Variants in CHADL observed in about 807,000 individuals in gnomAD.
The protein encoded by CHADL is chondroadherin like.
In CHADL, 48 loss-of-function variants were observed where a neutral mutation model predicts 52.1. The ratio of observed to expected loss-of-function variants is 0.92; its 90% CI spans 0.73 to 1.17. The LOEUF is 1.17. Ranked by LOEUF, CHADL falls within the 50% of genes most tolerant of loss-of-function variation. CHADL has a pLI of 0.00. For missense variants in CHADL, 977 were observed against 1,035.1 expected (o/e 0.94, Z 0.77); for synonymous variants, 498 against 511.2 (o/e 0.97, Z 0.35).
At chr22:41,240,075 CTTTT>C (rs927523434) in intron 1 of CHADL, among the ~76,000 whole-genome samples, 3 of 152,036 alleles carry the variant, frequency 2.0e-5, no homozygotes, top group African/African-American at 7.2e-5. Flanking sequence ...GTCCTTGAGT[CTTTT>C]TTTGTTTGTT....
At chr22:41,234,835 G>A (rs1029699298) in intron 5 of CHADL, among the ~76,000 whole-genome samples, 33 of 152,222 alleles carry the variant, frequency 2.2e-4, no homozygotes, top group African/African-American at 8.0e-4. Flanking sequence ...TTACAGGCGT[G>A]AGCCAACGCA....
chr22:41,240,490 G>A (rs932974039), intron 1 of CHADL, among the ~76,000 whole-genome samples: 5 of 152,320 alleles, frequency 3.3e-5, no homozygotes, highest in African/African-American at 9.6e-5. Flanking sequence ...CTGGACTATC[G>A]TCTGTTTTGG....
intron 4 of CHADL, among the ~76,000 whole-genome samples, chr22:41,236,281 G>T (rs1261292853): frequency 6.6e-6 from 1 of 152,184 alleles, no homozygotes; most frequent in Admixed American, 6.5e-5. Context: ...TGAAATCAAG[G>T]CTCAGAGAAG....
chr22:41,239,919 A>C (rs887562778), intron 1 of CHADL, among the ~76,000 whole-genome samples: 1 of 152,176 alleles, frequency 6.6e-6, no homozygotes, highest in African/African-American at 2.4e-5. Flanking sequence ...GAATGACTCC[A>C]GTTCAGAGCA....
chr22:41,237,872 G>A lies in CHADL; in HGVS notation c.1200C>T (p.Cys400=), dbSNP rs765102787. 56 of 1,387,710 alleles carry A rather than the reference G, an allele frequency of 4.0e-5. No homozygotes were observed. The African/African-American group carries it at 7.5e-4, about 19-fold the overall frequency. The allele number at this position is 1,387,710 out of a possible 1,614,324, so 86.0% of individuals were successfully genotyped here. ...TGTGCCGGGACTCGGGGACGCACAC[G>A]CAGGCGCGAGGGCAAGGCGCGACTG... The part of the protein sequence containing the change: ...ERAVAPCPRA[C]VCVPESRHSS... Residue 400 remains cysteine (C), a synonymous_variant, in exon 3 of 6, where the codon TGC becomes TGT. Transcript: ENST00000216241.
intron 5 of CHADL, among the ~76,000 whole-genome samples, chr22:41,233,939 C>T (rs1250721133): frequency 6.6e-6 from 1 of 152,220 alleles, no homozygotes; most frequent in Non-Finnish European, 1.5e-5. Context: ...GTGGTTCCTA[C>T]ATACGGGGGT....
In CHADL at chr22:41,237,461, T is replaced by C. The variant is rs1168565187; in HGVS notation, c.1611A>G (p.Ala537=). ...CCCGTGTTCTCCCCAGGTCCCCAGG[T>C]GCCAGGCGGTCCACAGCGTTGTCCT... ...HLQDNAVDRL[A]PGDLGRTRAL... Residue 537 remains alanine (A), a synonymous_variant, in exon 3 of 6, where the codon GCA becomes GCG. Transcript: ENST00000216241. 3.9e-6 allele frequency: 6 copies of C among 1,550,362 alleles called. No individual in the cohort carries two copies. Among genetic ancestry groups the C allele is most frequent in the Non-Finnish European group, 5.2e-6 (6 of 1,146,966 alleles).
Position 41,237,431 on chromosome 22 carries a change from C to T in CHADL, c.1641G>A (p.Leu547=). ...GGTTTCCACTCAGGTAGACCCAGCG[C>T]AAGGCCCGTGTTCTCCCCAGGTCCC... The part of the protein sequence containing the change: ...APGDLGRTRA[L]RWVYLSGNRI... The change falls in exon 3 of 6, where the codon TTG becomes TTA. Residue 547 remains leucine (L), a synonymous_variant. Coordinates refer to ENST00000216241, the MANE Select transcript of CHADL (RefSeq NM_138481.2). 6.4e-7 allele frequency: 1 copy of T among 1,550,556 alleles called. No individual in the cohort carries two copies. The highest frequency in any genetic ancestry group is 1.2e-5 in the South Asian group (1 of 84,070).
At chr22:41,240,759 A>G in intron 1 of CHADL, 115 bp downstream of exon 1, 2 of 1,262,710 alleles carry the variant, frequency 1.6e-6, no homozygotes, top group Non-Finnish European at 1.1e-6. Flanking sequence ...AACCCCAGGA[A>G]GTCCCCAGAG....
At chr22:41,233,943 C>T (rs1015894106) in intron 5 of CHADL, among the ~76,000 whole-genome samples, 1 of 152,190 alleles carries the variant, frequency 6.6e-6, no homozygotes, top group Non-Finnish European at 1.5e-5. Flanking sequence ...TTCCTACATA[C>T]GGGGGTGCCT....
chr22:41,233,993 T>C (rs2032686578), intron 5 of CHADL, among the ~76,000 whole-genome samples: 1 of 152,160 alleles, frequency 6.6e-6, no homozygotes, highest in South Asian at 2.1e-4. Flanking sequence ...GTGAGTTTGC[T>C]ACAACTGAGG....
intron 5 of CHADL, chr22:41,230,144 G>A (rs370322931): frequency 1.7e-5 from 12 of 723,018 alleles, no homozygotes; most frequent in Non-Finnish European, 2.7e-5. Context: ...TTCAGTCATT[G>A]CTGTGCGTGT....
chr22:41,236,017 A>G (rs1202287513), intron 4 of CHADL, among the ~76,000 whole-genome samples: 1 of 152,088 alleles, frequency 6.6e-6, no homozygotes, highest in Non-Finnish European at 1.5e-5. Context: ...GATTACAGGC[A>G]CCCACTACCA....
chr22:41,236,669 C>T lies in CHADL; in HGVS notation c.1897-19G>A, dbSNP rs1601557550. On this transcript the variant is annotated intron_variant, in intron 3 of 5. Transcript: ENST00000216241. ...GACAAATCTGCAAGGAGTTGCCAGG[C>T]CCCAATGTGAGCTCCTGGCAGAGCT... is the stretch of plus-strand genomic sequence containing the variant. 2 of 1,540,328 alleles carry T rather than the reference C, an allele frequency of 1.3e-6. No individual in the cohort carries two copies. The highest frequency in any genetic ancestry group is 4.9e-5 in the East Asian group (2 of 40,838).
chr22:41,240,242 C>T (rs1388580558), intron 1 of CHADL, among the ~76,000 whole-genome samples: 2 of 152,224 alleles, frequency 1.3e-5, no homozygotes, highest in Non-Finnish European at 2.9e-5. Context: ...CACACACCAC[C>T]ACGCCTGGCT....
Position 41,239,557 on chromosome 22 carries a change from C to G in CHADL, c.72G>C (p.Pro24=), listed in dbSNP as rs1445538740. ...AGCGCTGGGCGGCGGCCTGCCTAGC[C>G]GGGGCCAGCAGCAGAAGTACAAGAA... ...LPLLVLLLLA[P]ARQAAAQRCP... Residue 24 remains proline (P), a synonymous_variant, in exon 2 of 6, where the codon CCG becomes CCC. Transcript: ENST00000216241. 7.1e-6 allele frequency: 11 copies of G among 1,547,786 alleles called. No homozygotes were observed. Among genetic ancestry groups the G allele is most frequent in the African/African-American group, 1.4e-5 (1 of 72,888 alleles).
At position 41,237,550 on chromosome 22, in the gene CHADL, G is replaced by C. The variant is rs1340316865; in HGVS notation, c.1522C>G (p.Arg508Gly). 1 of 1,550,412 alleles carries C rather than the reference G, an allele frequency of 6.4e-7. No homozygotes were observed. Among genetic ancestry groups the C allele is most frequent in the Non-Finnish European group, 8.7e-7 (1 of 1,146,932 alleles). The change falls in exon 3 of 6, where the codon CGT becomes GGT. Residue 508 changes from arginine (R) to glycine (G), a missense_variant. By Grantham distance (125) the Arg-to-Gly change is moderately radical (BLOSUM62 -2). Coordinates refer to ENST00000216241, the MANE Select transcript of CHADL (RefSeq NM_138481.2). ...RLGYLYLERNRFLQVPGAALR... is the reference protein window; with the variant it reads ...RLGYLYLERNGFLQVPGAALR... ...GCAGCCCCTGGCACCTGCAGGAAAC[G>C]GTTGCGTTCTAGGTACAGGTAGCCG...
At chr22:41,230,310 C>A in intron 5 of CHADL, 2 of 1,227,190 alleles carry the variant, frequency 1.6e-6, no homozygotes, top group Non-Finnish European at 2.4e-6. Flanking sequence ...TCTCTACCAC[C>A]ACCACCATGC....
chr22:41,238,652 C>T lies in CHADL; in HGVS notation c.420G>A (p.Glu140=). 1 of 1,543,990 alleles carries T rather than the reference C, an allele frequency of 6.5e-7. No homozygotes were observed. The change falls in exon 3 of 6, where the codon GAG becomes GAA. Residue 140 remains glutamate (E), a synonymous_variant. Coordinates refer to ENST00000216241, the MANE Select transcript of CHADL (RefSeq NM_138481.2). The surrounding 1 kb of genome is among the most constrained non-coding windows in gnomAD (Gnocchi z 4.9). ...GCTCCTCCAGTGCGTTCCCCTCCAG[C>T]TCCAGCCGCCGCAACGAGCCCAGCC... The part of the protein sequence containing the change: ...LDGLGSLRRL[E]LEGNALEELR...
Sources: gnomAD v4.1 joint callset for allele counts (sites outside exome capture counted in the v4.1 genomes callset) on GRCh38, gnomAD v4.1.1 for gene constraint, Gnocchi (gnomAD v3.1) non-coding constraint, MANE v1.5 for transcripts, NCBI Gene and HGNC (gene_info 2026-07-23, HGNC 2026-07-21) for gene names.